The following LINGO2 variants were observed in gnomAD, a reference collection of about 807,000 sequenced individuals.
LINGO2 encodes leucine rich repeat and Ig domain containing 2.
In LINGO2, 14 loss-of-function variants were observed where a neutral mutation model predicts 30.6. That is an observed-to-expected ratio of 0.46 (90% CI 0.30 to 0.72). LINGO2 has a LOEUF of 0.72. LINGO2 is among the 30% of genes least tolerant of loss of function. The pLI is 0.07. For missense variants in LINGO2, 729 were observed against 751.7 expected (o/e 0.97, Z 0.35); for synonymous variants, 317 against 288.5 (o/e 1.10, Z -1.00).
the LINGO2 span, among the ~76,000 whole-genome samples, chr9:28,680,836 A>G: frequency 6.6e-6 from 1 of 151,970 alleles, no homozygotes; most frequent in Admixed American, 6.6e-5. Flanking sequence ...CCTGCTATTG[A>G]GTTTTGTGAA....
At chr9:28,562,223 C>T (rs138716811) in intron 1 of LINGO2, among the ~76,000 whole-genome samples, 1,820 of 151,952 alleles carry the variant, frequency 0.012, 15 homozygotes, top group Middle Eastern at 0.031. Flanking sequence ...AATAGAAGGT[C>T]TACTTTTTTC....
At chr9:28,512,580 GATATATATGTGTGTATATATAT>G (rs1225307654) in intron 1 of LINGO2, among the ~76,000 whole-genome samples, 7 of 87,120 alleles carry the variant, frequency 8.0e-5, no homozygotes, top group African/African-American at 2.6e-4. Context: ...GAACTAACAG[GATATATATGTGTGTATATATAT>G]ATATATATAT....
intron 4 of LINGO2, among the ~76,000 whole-genome samples, chr9:28,146,453 G>C (rs1252737086): frequency 2.6e-5 from 4 of 152,188 alleles, no homozygotes. Flanking sequence ...GTTTGGTAAA[G>C]AGGAAAGAAT....
intron 4 of LINGO2, among the ~76,000 whole-genome samples, chr9:28,067,362 G>C (rs567512593): frequency 4.5e-4 from 69 of 152,122 alleles, no homozygotes; most frequent in Non-Finnish European, 6.8e-4. Flanking sequence ...TAAAATATCA[G>C]ATATTACCCT....
chr9:28,834,161 G>C, the LINGO2 span, among the ~76,000 whole-genome samples: 1,492 of 152,132 alleles, frequency 9.8e-3, 11 homozygotes, highest in Non-Finnish European at 0.015. Context: ...ATCAGAGAGA[G>C]GTTTAAATTC....
At chr9:28,773,683 G>C in the LINGO2 span, among the ~76,000 whole-genome samples, 1 of 152,170 alleles carries the variant, frequency 6.6e-6, no homozygotes. Context: ...CAAATAGTAA[G>C]ATGATATTTT....
intron 1 of LINGO2, among the ~76,000 whole-genome samples, chr9:28,523,759 T>C (rs970227743): frequency 6.6e-6 from 1 of 152,076 alleles, no homozygotes; most frequent in Non-Finnish European, 1.5e-5. Flanking sequence ...CAAAATATTA[T>C]TGAAAGAAAT....
intron 1 of LINGO2, among the ~76,000 whole-genome samples, chr9:28,587,504 G>A (rs1239144092): frequency 6.6e-6 from 1 of 151,918 alleles, no homozygotes; most frequent in East Asian, 1.9e-4. Context: ...GCTGGTGTGA[G>A]TGGTAAAGGT....
intron 2 of LINGO2, among the ~76,000 whole-genome samples, chr9:28,431,999 C>T (rs150046363): frequency 1.0e-3 from 157 of 151,988 alleles, no homozygotes; most frequent in African/African-American, 3.6e-3. Flanking sequence ...TAGTCATTGC[C>T]CTAATAATTC....
chr9:28,876,604 T>C, the LINGO2 span, among the ~76,000 whole-genome samples: 2 of 152,182 alleles, frequency 1.3e-5, no homozygotes, highest in Non-Finnish European at 2.9e-5. Context: ...GGCTGCATAG[T>C]ATTCCATGGT....
chr9:28,014,317 G>A (rs1822712874), intron 4 of LINGO2, among the ~76,000 whole-genome samples: 1 of 152,072 alleles, frequency 6.6e-6, no homozygotes, highest in Admixed American at 6.6e-5. Context: ...TTGCATAATA[G>A]TCTCTTGATA....
chr9:28,709,227 G>GT, the LINGO2 span, among the ~76,000 whole-genome samples: 26 of 151,068 alleles, frequency 1.7e-4, no homozygotes, highest in Admixed American at 6.6e-4. Context: ...AAAGTGTTTT[G>GT]TTTTGTTTTT....
chr9:28,057,528 T>TAC (rs1170995660), intron 4 of LINGO2, among the ~76,000 whole-genome samples: 1 of 147,494 alleles, frequency 6.8e-6, no homozygotes, highest in Non-Finnish European at 1.5e-5. Context: ...TGTGTATATA[T>TAC]ATACACACAC....
chr9:28,333,409 C>T (rs1000825335), intron 3 of LINGO2, among the ~76,000 whole-genome samples: 5 of 152,046 alleles, frequency 3.3e-5, no homozygotes, highest in Admixed American at 2.6e-4. Context: ...TAAGGTTAAT[C>T]TAGGTGGGAG....
intron 3 of LINGO2, among the ~76,000 whole-genome samples, chr9:28,339,808 C>A (rs556074968): frequency 1.3e-5 from 2 of 152,184 alleles, no homozygotes; most frequent in South Asian, 4.2e-4. Context: ...TTCATTCCTA[C>A]AGGAGTCAAA....
chr9:28,943,358 G>A, the LINGO2 span, among the ~76,000 whole-genome samples: 2 of 150,650 alleles, frequency 1.3e-5, no homozygotes, highest in African/African-American at 2.4e-5. Context: ...ATCCAAGGAG[G>A]TATGCTACAG....
intron 4 of LINGO2, among the ~76,000 whole-genome samples, chr9:28,226,697 A>AAG (rs397959895): frequency 0.056 from 3,217 of 57,572 alleles, 52 homozygotes; most frequent in African/African-American, 0.1. Context: ...GAAAGAAAGA[A>AAG]AGAAAGAGAA....
chr9:28,415,824 G>A (rs575546578), intron 2 of LINGO2, among the ~76,000 whole-genome samples: 11 of 152,178 alleles, frequency 7.2e-5, no homozygotes, highest in African/African-American at 2.6e-4. Flanking sequence ...ATAGTGGCTG[G>A]CACATAGTAA....
At chr9:27,964,303 G>A (rs181714191) in intron 5 of LINGO2, among the ~76,000 whole-genome samples, 58 of 152,166 alleles carry the variant, frequency 3.8e-4, no homozygotes, top group Admixed American at 3.6e-3. Flanking sequence ...AGTGGCTCAC[G>A]CAAGTAGGTA....
Sources: gnomAD v4.1 joint callset for allele counts (sites outside exome capture counted in the v4.1 genomes callset) on GRCh38, gnomAD v4.1.1 for gene constraint, MANE v1.5 for transcripts, NCBI Gene and HGNC (gene_info 2026-07-23, HGNC 2026-07-21) for gene names.